The following CYTH4 variants were observed in gnomAD, a reference collection of about 807,000 sequenced individuals.
The protein encoded by CYTH4 is cytohesin-4.
CYTH4 carries 22 observed loss-of-function variants against 57.5 expected under a neutral mutation model. That is an observed-to-expected ratio of 0.38 (90% confidence interval 0.27 to 0.55). The LOEUF is 0.55. CYTH4 is among the 20% of genes least tolerant of loss of function. The probability of loss-of-function intolerance (pLI) is 0.74; values close to 1 mark genes in which losing one functional copy is unlikely to be tolerated. For missense variants in CYTH4, 420 were observed against 535.6 expected, an observed-to-expected ratio of 0.78 and a Z score of 2.13; for synonymous variants, 186 against 206.5, an observed-to-expected ratio of 0.90 and a Z score of 0.85.
At position 37,313,587 on chromosome 22, in the gene CYTH4, A is replaced by G; in HGVS notation, c.*76A>G. On this transcript the variant is annotated 3_prime_UTR_variant, in exon 13 of 13. Transcript: ENST00000248901. ...TGCAGCACCTGGAGACCCACCTCCC[A>G]CCCCAGTGCACTCTTTTGGGCCACA... The G allele has an allele frequency of 7.8e-7, 1 of 1,286,444 alleles. No individual in the cohort carries two copies. The highest frequency in any genetic ancestry group is 1.1e-6 in the Non-Finnish European group (1 of 885,458). The allele number at this position is 1,286,444 out of a possible 1,614,324, so 79.7% of individuals were successfully genotyped here. A position where few individuals can be genotyped will look rare whatever the true frequency, so the allele number is the denominator to read the frequency against.
chr22:37,297,695 G>A lies in CYTH4; in HGVS notation c.353+13G>A. 2 of 1,607,220 alleles carry A rather than the reference G, an allele frequency of 1.2e-6. No homozygotes were observed. Among genetic ancestry groups the A allele is most frequent in the South Asian group, 1.1e-5 (1 of 90,916 alleles). ...ACCTGGGGGAGAGGTAAGAACGAGT[G>A]GAGCCTTAGCGAGGCAGGAAATGAA... On this transcript the variant is annotated intron_variant, in intron 5 of 12. Coordinates refer to ENST00000248901, the MANE Select transcript of CYTH4 (RefSeq NM_013385.5).
chr22:37,296,052 T>C lies in CYTH4; in HGVS notation c.221T>C (p.Met74Thr), dbSNP rs753987112. 1.9e-6 allele frequency: 3 copies of C among 1,613,016 alleles called. No individual in the cohort carries two copies. Among genetic ancestry groups the C allele is most frequent in the East Asian group, 2.2e-5 (1 of 44,860 alleles). The part of the protein sequence containing the change: ...ELCIGRKKFN[M>T]DPAKGIQYFI... Reference sequence around the variant, plus strand: ...TGTATTGGGCGCAAGAAGTTCAACATGGACCCCGCCAAGGTAGGTGGCTGT... The same window carrying C: ...TGTATTGGGCGCAAGAAGTTCAACACGGACCCCGCCAAGGTAGGTGGCTGT... The change falls in exon 4 of 13, where the codon ATG (methionine) becomes ACG (threonine). Residue 74 changes from methionine to threonine, a missense_variant. Coordinates refer to ENST00000248901, the MANE Select transcript of CYTH4 (RefSeq NM_013385.5).
At chr22:37,290,067 A>C (rs1928696538) in intron 1 of CYTH4, among the ~76,000 whole-genome samples, 1 of 152,196 alleles carries the variant, frequency 6.6e-6, no homozygotes. Context: ...CCATGGGCCA[A>C]GGTACCAATA....
At chr22:37,297,728 A>C (rs767425391) in intron 5 of CYTH4, 46 bp downstream of exon 5, 2 of 1,463,238 alleles carry the variant, frequency 1.4e-6, no homozygotes, top group South Asian at 1.1e-5. Context: ...GAAGGTGTGC[A>C]GGTGTGTACA....
Position 37,313,513 on chromosome 22 carries a change from A to C in CYTH4, c.*2A>C. ...AAGAAGATTGCCAGCAAGCAGTGAG[A>C]TTCCTGGAGGTGGCACTGGGGGCTG... On this transcript the variant is annotated 3_prime_UTR_variant, in exon 13 of 13. Coordinates refer to ENST00000248901, the MANE Select transcript of CYTH4 (RefSeq NM_013385.5). 1.9e-6 allele frequency: 3 copies of C among 1,614,094 alleles called. No individual in the cohort carries two copies. The highest frequency in any genetic ancestry group is 2.5e-6 in the Non-Finnish European group (3 of 1,179,950).
At chr22:37,287,954 C>T (rs977025494) in intron 1 of CYTH4, among the ~76,000 whole-genome samples, 1 of 152,290 alleles carries the variant, frequency 6.6e-6, no homozygotes, top group Non-Finnish European at 1.5e-5. Flanking sequence ...CTCCTGGAAA[C>T]AGTACCTCTA....
At chr22:37,301,134 C>A in intron 7 of CYTH4, 115 bp downstream of exon 7, 1 of 802,518 alleles carries the variant, frequency 1.2e-6, no homozygotes, top group Admixed American at 2.5e-5. Context: ...CAGCCCAGAC[C>A]CCTTCATGAG....
chr22:37,308,059 G>A (rs545582328), intron 8 of CYTH4, among the ~76,000 whole-genome samples: 4 of 151,922 alleles, frequency 2.6e-5, no homozygotes, highest in Middle Eastern at 3.4e-3. Context: ...ACCCCACCCC[G>A]GCCCATCCAG....
rs969510086 is a variant in CYTH4 at position 37,299,442 on chromosome 22, C to T, written c.434+136C>T. ...AAGAGGAGGCAAGGAACAAGAATGA[C>T]TTCATGATAGTACTGCCTCACAGAG... On this transcript the variant is annotated intron_variant, in intron 6 of 12. Coordinates refer to ENST00000248901, the MANE Select transcript of CYTH4 (RefSeq NM_013385.5). The T allele has an allele frequency of 3.4e-5, 28 of 816,198 alleles. No individual in the cohort carries two copies. The East Asian group carries it at 6.4e-4, about 19-fold the overall frequency. The allele number at this position is 816,198 out of a possible 1,614,324, so 50.6% of individuals were successfully genotyped here. A position where few individuals can be genotyped will look rare whatever the true frequency, so the allele number is the denominator to read the frequency against.
At chr22:37,310,881 T>A in intron 9 of CYTH4, 107 bp from the exon 10 acceptor site, 1 of 1,217,818 alleles carries the variant, frequency 8.2e-7, no homozygotes, top group Non-Finnish European at 1.2e-6. Context: ...TTTAGGGCAC[T>A]CAGCTGGGGG....
rs1451585781 is a variant in CYTH4 at position 37,313,709 on chromosome 22, CAAT to C, written c.*199_*201del. 1 of 601,436 alleles carries C rather than the reference CAAT, an allele frequency of 1.7e-6. No individual in the cohort carries two copies. Among genetic ancestry groups the C allele is most frequent in the Non-Finnish European group, 2.9e-6 (1 of 339,866 alleles). The allele number at this position is 601,436 out of a possible 1,614,324, so 37.3% of individuals were successfully genotyped here. ...GAGCTGCAGTGGGCTCAGAGTCCAG[CAAT>C]GAGGCCCCCTGGCCTGGGCACCCAG... On this transcript the variant is annotated 3_prime_UTR_variant, in exon 13 of 13. Coordinates refer to ENST00000248901, the MANE Select transcript of CYTH4 (RefSeq NM_013385.5).
chr22:37,285,399 A>G (rs1034887736), intron 1 of CYTH4, among the ~76,000 whole-genome samples: 8 of 152,082 alleles, frequency 5.3e-5, no homozygotes, highest in African/African-American at 1.9e-4. Context: ...GTGTATTATT[A>G]TTAGTATTTA....
Position 37,289,589 on chromosome 22 carries a change from G to C in CYTH4, c.20-3032G>C, listed in dbSNP as rs559259258. ...TAGACCCTGGTCCACCAGCAGCGGT[G>C]ACATGAGGATCTGGGCCACCTATCC... On this transcript the variant is annotated intron_variant, in intron 1 of 12. Transcript: ENST00000248901. Among the ~76,000 whole-genome samples the C allele has an allele frequency of 2.0e-5, 3 of 152,344 alleles. No homozygotes were observed. The South Asian group carries it at 6.2e-4, about 32-fold the overall frequency.
At chr22:37,291,493 T>G (rs1352836866) in intron 1 of CYTH4, among the ~76,000 whole-genome samples, 3 of 152,136 alleles carry the variant, frequency 2.0e-5, no homozygotes, top group African/African-American at 7.2e-5. Context: ...TCAGCGAGGA[T>G]TTGGGCAGGC....
chr22:37,311,330 G>T lies in CYTH4; in HGVS notation c.886-126G>T. ...CTGCTTCTAACTTCCGTCCCCCTATGACTGGACAGTCTCGGAAGATGAGCA... is the reference window on the plus strand; with the variant it reads ...CTGCTTCTAACTTCCGTCCCCCTATTACTGGACAGTCTCGGAAGATGAGCA... On this transcript the variant is annotated intron_variant, in intron 10 of 12. Coordinates refer to ENST00000248901, the MANE Select transcript of CYTH4 (RefSeq NM_013385.5). This position sits in a 1 kb window ranked among gnomAD's most constrained non-coding sequence, Gnocchi z 4.4. 1 of 879,536 alleles carries T rather than the reference G, an allele frequency of 1.1e-6. No homozygotes were observed. Among genetic ancestry groups the T allele is most frequent in the South Asian group, 1.5e-5 (1 of 67,904 alleles). 54.5% of individuals were successfully genotyped at this position (879,536 alleles called of 1,614,324 possible). A position where few individuals can be genotyped will look rare whatever the true frequency, so the allele number is the denominator to read the frequency against.
intron 1 of CYTH4, among the ~76,000 whole-genome samples, chr22:37,286,923 C>T (rs2284046): frequency 0.58 from 87,831 of 151,514 alleles, 25,735 homozygotes; most frequent in South Asian, 0.78. Flanking sequence ...CTGAGCAAAG[C>T]GATAGCGGCT....
At chr22:37,307,590 C>T (rs1929449156) in intron 8 of CYTH4, among the ~76,000 whole-genome samples, 1 of 152,142 alleles carries the variant, frequency 6.6e-6, no homozygotes, top group Admixed American at 6.5e-5. Context: ...CAGAAAGGAC[C>T]TTAAAGAACC....
At chr22:37,287,166 G>A (rs1408204815) in intron 1 of CYTH4, among the ~76,000 whole-genome samples, 1 of 152,088 alleles carries the variant, frequency 6.6e-6, no homozygotes, top group Non-Finnish European at 1.5e-5. Context: ...GGTTGGATCT[G>A]AAGCTCAGAG....
chr22:37,292,717 C>G lies in CYTH4; in HGVS notation c.102+14C>G, dbSNP rs201151140. 1 of 1,612,024 alleles carries G rather than the reference C, an allele frequency of 6.2e-7. No homozygotes were observed. The highest frequency in any genetic ancestry group is 1.1e-5 in the South Asian group (1 of 91,056). ...GAGGACATCCAGGTGAGTGCACACT[C>G]GTGTCCACACACGTGTCCATGCCCA... On this transcript the variant is annotated intron_variant, in intron 2 of 12. Transcript: ENST00000248901.
Sources: allele counts gnomAD v4.1 joint callset (sites outside exome capture counted in the v4.1 genomes callset), GRCh38; gene constraint gnomAD v4.1.1; non-coding constraint Gnocchi (gnomAD v3.1); transcripts MANE v1.5; gene names NCBI Gene and HGNC (gene_info 2026-07-23, HGNC 2026-07-21).